The following BCAS3 variants were observed in gnomAD, a reference collection of about 807,000 sequenced individuals.
BCAS3 encodes the protein BCAS3 microtubule associated cell migration factor.
A neutral mutation model predicts 116.1 loss-of-function variants in BCAS3; 53 were observed. That is an observed-to-expected ratio of 0.46 (90% CI 0.37 to 0.57). The LOEUF is 0.57. Among genes scored for constraint, BCAS3 ranks in the 20% least tolerant of loss-of-function variants. The pLI, the probability that BCAS3 is intolerant of heterozygous loss-of-function variation, is 0.00. For missense variants in BCAS3, 917 were observed against 1,165.4 expected (o/e 0.79, Z 3.10); for synonymous variants, 391 against 408.2 (o/e 0.96, Z 0.51).
In BCAS3 at chr17:60,963,617, G is replaced by A. The variant is rs374152227; in HGVS notation, c.1221+16265G>A. Reference sequence around the variant, plus strand: ...GTCGCCCAGGCTGGAGTGCAGTGGCGCAATCTCAGCTCACTGCAAGCTCCG... The same window carrying A: ...GTCGCCCAGGCTGGAGTGCAGTGGCACAATCTCAGCTCACTGCAAGCTCCG... On this transcript the variant is annotated intron_variant, in intron 14 of 23. Transcript: ENST00000407086. Among the ~76,000 whole-genome samples the A allele has an allele frequency of 1.0e-4, 15 of 149,284 alleles. No homozygotes were observed. The South Asian group carries it at 1.7e-3, about 17-fold the overall frequency.
intron 5 of BCAS3, among the ~76,000 whole-genome samples, chr17:60,745,349 T>C (rs2041937748): frequency 6.6e-6 from 1 of 151,992 alleles, no homozygotes; most frequent in Non-Finnish European, 1.5e-5. Context: ...TGTAAATGGC[T>C]TGGCAGTGTT....
rs2057412445 is a variant in BCAS3 at position 61,344,942 on chromosome 17, C to G, written c.2426-23385C>G. On this transcript the variant is annotated intron_variant, in intron 22 of 23. Transcript: ENST00000407086. This position sits in a 1 kb window ranked among gnomAD's most constrained non-coding sequence, Gnocchi z 4.1. ...ACACACACACACACACATACACACA[C>G]ACACACGCACACCCCTCACAGAAAA... Among the ~76,000 whole-genome samples the G allele has an allele frequency of 1.3e-5, 2 of 152,056 alleles. No homozygotes were observed. The highest frequency in any genetic ancestry group is 2.9e-5 in the Non-Finnish European group (2 of 68,010).
At chr17:60,682,667 G>A (rs1413170886) in intron 2 of BCAS3, among the ~76,000 whole-genome samples, 1 of 151,898 alleles carries the variant, frequency 6.6e-6, no homozygotes, top group Non-Finnish European at 1.5e-5. Context: ...AAATTACAGG[G>A]TGCACCACCA....
At chr17:60,855,780 C>T (rs948772128) in intron 7 of BCAS3, among the ~76,000 whole-genome samples, 1 of 152,026 alleles carries the variant, frequency 6.6e-6, no homozygotes, top group Non-Finnish European at 1.5e-5. Context: ...AACCCCCAGC[C>T]TCAAGTGATC....
intron 5 of BCAS3, among the ~76,000 whole-genome samples, chr17:60,739,499 A>G (rs980620179): frequency 2.0e-5 from 3 of 152,050 alleles, no homozygotes; most frequent in African/African-American, 7.2e-5. Flanking sequence ...AGGCACCTGT[A>G]ATACCTGCTA....
At position 60,755,708 on chromosome 17, in the gene BCAS3, A is replaced by G. The variant is rs908024151; in HGVS notation, c.403+8429A>G. On this transcript the variant is annotated intron_variant, in intron 6 of 23. Transcript: ENST00000407086. ...ATTCTTCTTTTCAATATGCTTTTCA[A>G]TAGCTGCATAAATTTTCATCATGTG... 5.3e-5 allele frequency among the ~76,000 whole-genome samples: 8 copies of G among 152,184 alleles called. No individual in the cohort carries two copies. The East Asian group carries it at 1.2e-3, about 22-fold the overall frequency.
At chr17:60,935,890 G>A (rs1174026394) in intron 13 of BCAS3, among the ~76,000 whole-genome samples, 1 of 151,300 alleles carries the variant, frequency 6.6e-6, no homozygotes, top group Non-Finnish European at 1.5e-5. Context: ...AAGTTTTAGG[G>A]TACATGTGCA....
intron 6 of BCAS3, among the ~76,000 whole-genome samples, chr17:60,772,554 A>G (rs894430313): frequency 6.6e-6 from 1 of 152,196 alleles, no homozygotes; most frequent in African/African-American, 2.4e-5. Context: ...GAAGCCAATT[A>G]GATCCCATTT....
chr17:60,825,363 A>G (rs2050293886), intron 7 of BCAS3, among the ~76,000 whole-genome samples: 1 of 151,610 alleles, frequency 6.6e-6, no homozygotes, highest in South Asian at 2.1e-4. Flanking sequence ...AAAGCTTAAC[A>G]TAGGCCACCT....
At chr17:61,069,788 A>G (rs2143399888) in intron 19 of BCAS3, 3 of 686,678 alleles carry the variant, frequency 4.4e-6, no homozygotes, top group East Asian at 2.5e-5. Flanking sequence ...GTGAGCCGAG[A>G]TCATGCCACT....
chr17:60,820,760 A>C (rs1220029596), intron 7 of BCAS3, among the ~76,000 whole-genome samples: 1 of 152,184 alleles, frequency 6.6e-6, no homozygotes, highest in African/African-American at 2.4e-5. Flanking sequence ...AAAAGAACAA[A>C]ATGGACAAAG....
At chr17:60,763,271 G>C (rs994533324) in intron 6 of BCAS3, among the ~76,000 whole-genome samples, 1 of 152,160 alleles carries the variant, frequency 6.6e-6, no homozygotes, top group Non-Finnish European at 1.5e-5. Context: ...CCTGTCTTGT[G>C]CCAGTTTTCA....
chr17:60,787,312 C>T (rs2046364208), intron 6 of BCAS3, among the ~76,000 whole-genome samples: 1 of 152,160 alleles, frequency 6.6e-6, no homozygotes, highest in Non-Finnish European at 1.5e-5. Flanking sequence ...TCATCTCTAC[C>T]AGTAGCTTCT....
chr17:61,035,996 AC>A (rs1305932547), intron 17 of BCAS3, among the ~76,000 whole-genome samples: 1 of 152,140 alleles, frequency 6.6e-6, no homozygotes, highest in Non-Finnish European at 1.5e-5. Flanking sequence ...CTGAACTCGC[AC>A]CTAAGGAGGG....
chr17:61,035,831 A>C (rs2145602062), intron 17 of BCAS3, among the ~76,000 whole-genome samples: 1 of 152,280 alleles, frequency 6.6e-6, no homozygotes, highest in East Asian at 1.9e-4. Context: ...TACAGCGTGG[A>C]TATGCTGGAC....
Position 61,387,282 on chromosome 17 carries a change from A to T in BCAS3, c.2594-4695A>T, listed in dbSNP as rs2059905063. ...CACGGCCCAGCTCAGGAGTAGGACA[A>T]GGTGTGGGCAGCCATGCCCTTGCCT... On this transcript the variant is annotated intron_variant, in intron 23 of 23. Transcript: ENST00000407086. This position sits in a 1 kb window ranked among gnomAD's most constrained non-coding sequence, Gnocchi z 6.2. Among the ~76,000 whole-genome samples the T allele has an allele frequency of 6.6e-6, 1 of 152,218 alleles. No individual in the cohort carries two copies. The highest frequency in any genetic ancestry group is 1.5e-5 in the Non-Finnish European group (1 of 68,026).
intron 22 of BCAS3, among the ~76,000 whole-genome samples, chr17:61,142,217 G>A (rs1423355594): frequency 2.0e-5 from 3 of 152,074 alleles, no homozygotes; most frequent in Non-Finnish European, 4.4e-5. Flanking sequence ...GAGACGAGGA[G>A]ACAAAGACTT....
rs2047709685 is a variant in BCAS3 at position 61,243,745 on chromosome 17, A to T, written c.2426-124582A>T. Among the ~76,000 whole-genome samples, 2 of 152,200 alleles carry T rather than the reference A, an allele frequency of 1.3e-5. No homozygotes were observed. Among genetic ancestry groups the T allele is most frequent in the South Asian group, 4.1e-4 (2 of 4,832 alleles). On this transcript the variant is annotated intron_variant, in intron 22 of 23. Coordinates refer to ENST00000407086, the MANE Select transcript of BCAS3 (RefSeq NM_017679.5). The surrounding 1 kb of genome is among the most constrained non-coding windows in gnomAD (Gnocchi z 5.6). ...AGTGACTGCTAGAGACTTCAGGGAA[A>T]ATAATAACTTATAACTATTTTATGT...
At chr17:60,817,487 A>C (rs1313736064) in intron 7 of BCAS3, among the ~76,000 whole-genome samples, 1 of 152,270 alleles carries the variant, frequency 6.6e-6, no homozygotes, top group Non-Finnish European at 1.5e-5. Context: ...CATTACACAC[A>C]TTACGTGAAA....
Sources: gnomAD v4.1 joint callset for allele counts (sites outside exome capture counted in the v4.1 genomes callset) on GRCh38, gnomAD v4.1.1 for gene constraint, Gnocchi (gnomAD v3.1) non-coding constraint, MANE v1.5 for transcripts, NCBI Gene and HGNC (gene_info 2026-07-23, HGNC 2026-07-21) for gene names.